BEND5: variants seen among roughly 807,000 people sequenced by gnomAD.
The protein encoded by BEND5 is BEN domain-containing protein 5.
In BEND5, 22 loss-of-function variants were observed where a neutral mutation model predicts 43.9. The observed-to-expected ratio is 0.50, with a 90% CI of 0.36 to 0.72. BEND5 has a LOEUF of 0.72. Ranked by LOEUF, BEND5 falls within the 30% of genes least tolerant of loss-of-function variation. The pLI, the probability that BEND5 is intolerant of heterozygous loss-of-function variation, is 0.00. For missense variants in BEND5, 428 were observed against 550.6 expected (o/e 0.78, Z 2.23); for synonymous variants, 228 against 225.9 (o/e 1.01, Z -0.08).
At chr1:48,749,486 A>G (rs2148622588) in intron 3 of BEND5, among the ~76,000 whole-genome samples, 1 of 152,316 alleles carries the variant, frequency 6.6e-6, no homozygotes, top group East Asian at 1.9e-4. Flanking sequence ...CAGAAGTCAC[A>G]TAGGTGGTGA....
chr1:48,772,878 C>T (rs1326342487), intron 1 of BEND5, among the ~76,000 whole-genome samples: 1 of 152,116 alleles, frequency 6.6e-6, no homozygotes, highest in East Asian at 1.9e-4. Context: ...CTCTGTGTTT[C>T]CCCAGTGCCT....
intron 4 of BEND5, among the ~76,000 whole-genome samples, chr1:48,737,082 G>C (rs891593349): frequency 6.6e-6 from 1 of 152,114 alleles, no homozygotes; most frequent in African/African-American, 2.4e-5. Flanking sequence ...AGGAGATTGG[G>C]ACCATCCTGG....
chr1:48,752,960 G>C (rs1025858696), intron 3 of BEND5, among the ~76,000 whole-genome samples: 42 of 152,164 alleles, frequency 2.8e-4, no homozygotes, highest in Non-Finnish European at 5.3e-4. Flanking sequence ...ATGTTGGCCA[G>C]GATGGTCTCG....
At chr1:48,766,065 A>T (rs1644513874) in intron 1 of BEND5, among the ~76,000 whole-genome samples, 1 of 152,220 alleles carries the variant, frequency 6.6e-6, no homozygotes, top group Admixed American at 6.5e-5. Flanking sequence ...AATGGTTAAA[A>T]TGGTAAAATT....
intron 3 of BEND5, among the ~76,000 whole-genome samples, chr1:48,754,145 G>A (rs1376492688): frequency 2.0e-5 from 3 of 152,110 alleles, no homozygotes; most frequent in Admixed American, 1.3e-4. Flanking sequence ...AACAAACTGG[G>A]GAGGACACCG....
At chr1:48,771,985 C>T (rs1235808436) in intron 1 of BEND5, among the ~76,000 whole-genome samples, 1 of 152,166 alleles carries the variant, frequency 6.6e-6, no homozygotes, top group East Asian at 1.9e-4. Flanking sequence ...TTCTGAAAAA[C>T]AAGCTGCTGC....
At chr1:48,775,502 T>C (rs1376914058) in intron 1 of BEND5, among the ~76,000 whole-genome samples, 3 of 152,208 alleles carry the variant, frequency 2.0e-5, no homozygotes, top group Non-Finnish European at 2.9e-5. Flanking sequence ...GTGTTCTTTC[T>C]GGTAGAAGGC....
At chr1:48,766,057 T>C (rs947018982) in intron 1 of BEND5, among the ~76,000 whole-genome samples, 2 of 152,150 alleles carry the variant, frequency 1.3e-5, no homozygotes, top group Non-Finnish European at 2.9e-5. Context: ...CACTTTAAAA[T>C]GGTTAAAATG....
chr1:48,748,219 G>A (rs1357077934), intron 3 of BEND5, among the ~76,000 whole-genome samples: 1 of 152,186 alleles, frequency 6.6e-6, no homozygotes, highest in Non-Finnish European at 1.5e-5. Flanking sequence ...AGCTGGGTAG[G>A]AGGATCCCCC....
At chr1:48,728,171 T>C (rs1375091339) in intron 5 of BEND5, 128 bp from the exon 6 acceptor site, 1 of 809,716 alleles carries the variant, frequency 1.2e-6, no homozygotes, top group African/African-American at 1.7e-5. Context: ...CTGGCATAGC[T>C]ATATTTTAAA....
chr1:48,751,661 C>T (rs139945317), intron 3 of BEND5, among the ~76,000 whole-genome samples: 41 of 152,314 alleles, frequency 2.7e-4, no homozygotes, highest in East Asian at 7.7e-4. Flanking sequence ...AAAACATAAG[C>T]TTGTCACATG....
At chr1:48,737,330 TG>T (rs941766275) in intron 4 of BEND5, among the ~76,000 whole-genome samples, 3 of 152,148 alleles carry the variant, frequency 2.0e-5, no homozygotes, top group Non-Finnish European at 4.4e-5. Flanking sequence ...CATCAGTTCG[TG>T]GGCCCCACTC....
intron 3 of BEND5, among the ~76,000 whole-genome samples, chr1:48,752,230 A>C (rs1440642421): frequency 1.3e-5 from 2 of 152,136 alleles, no homozygotes; most frequent in African/African-American, 2.4e-5. Context: ...ACTCCTGCTC[A>C]TTGTGAAAAT....
chr1:48,748,445 C>T (rs1195735055), intron 3 of BEND5, among the ~76,000 whole-genome samples: 2 of 152,186 alleles, frequency 1.3e-5, no homozygotes, highest in Non-Finnish European at 2.9e-5. Flanking sequence ...AAGAGACAGG[C>T]AGCAGACTAC....
chr1:48,754,731 A>G (rs1306208750), intron 3 of BEND5, among the ~76,000 whole-genome samples: 1 of 152,202 alleles, frequency 6.6e-6, no homozygotes, highest in East Asian at 1.9e-4. Flanking sequence ...GTTGTTTACC[A>G]TGCTAAGATC....
At chr1:48,742,536 C>A (rs541803145) in intron 4 of BEND5, 87 bp downstream of exon 4, 5 of 1,297,060 alleles carry the variant, frequency 3.9e-6, no homozygotes, top group Non-Finnish European at 5.0e-6. Flanking sequence ...AGTCAAGCTG[C>A]GATTTGGAAA....
In BEND5 at chr1:48,758,966, C is replaced by T; in HGVS notation, c.679G>A (p.Glu227Lys). 1 of 1,606,270 alleles carries T rather than the reference C, an allele frequency of 6.2e-7. No individual in the cohort carries two copies. Among genetic ancestry groups the T allele is most frequent in the Middle Eastern group, 1.7e-4 (1 of 6,012 alleles). Residue 227 changes from glutamate to lysine, a missense_variant, in exon 3 of 6, where the codon GAA becomes AAA. Around this residue, in one of 4 missense-constraint regions of BEND5, gnomAD observed 243 missense variants for 286.4 expected, o/e 0.85. Transcript: ENST00000371833. ...TTAAGGTCACGGAGCTCCTTCATTT[C>T]AGACACAAGTGCCCCGTACTCCTTG... The part of the protein sequence containing the change: ...KLKEYGALVS[E>K]MKELRDLNRR...
At chr1:48,744,308 A>G (rs1355618154) in intron 3 of BEND5, among the ~76,000 whole-genome samples, 2 of 152,250 alleles carry the variant, frequency 1.3e-5, no homozygotes, top group Admixed American at 1.3e-4. Context: ...GTAATTCTAA[A>G]GTTTCAGAAG....
chr1:48,776,313 A>C (rs779843078), intron 1 of BEND5, among the ~76,000 whole-genome samples: 1 of 152,216 alleles, frequency 6.6e-6, no homozygotes, highest in Non-Finnish European at 1.5e-5. Flanking sequence ...GGAACGAAGA[A>C]AACACAAAGA....
Sources: gnomAD v4.1 joint callset for allele counts (sites outside exome capture counted in the v4.1 genomes callset) on GRCh38, gnomAD v4.1.1 for gene constraint, gnomAD v4.1.1 regional missense constraint, MANE v1.5 for transcripts, NCBI Gene and HGNC (gene_info 2026-07-23, HGNC 2026-07-21) for gene names.